The following LINGO1 variants were observed in gnomAD, a reference collection of about 807,000 sequenced individuals.
LINGO1 encodes the protein leucine rich repeat and Ig domain containing 1.
LINGO1 carries 11 observed loss-of-function variants against 37.3 expected under a neutral mutation model. The ratio of observed to expected loss-of-function variants is 0.29; its 90% CI spans 0.19 to 0.49. LINGO1 has a LOEUF of 0.49. Among genes scored for constraint, LINGO1 ranks in the 20% least tolerant of loss-of-function variants. LINGO1 has a pLI of 0.99. For missense variants in LINGO1, 585 were observed against 878.2 expected, an observed-to-expected ratio of 0.67 and a Z score of 4.22; for synonymous variants, 387 against 403.0, an observed-to-expected ratio of 0.96 and a Z score of 0.48.
intron 2 of LINGO1, among the ~76,000 whole-genome samples, chr15:77,707,796 G>T (rs1163294990): frequency 1.3e-5 from 2 of 152,150 alleles, no homozygotes; most frequent in East Asian, 3.8e-4. Flanking sequence ...TGACCATCAG[G>T]GTTTGCCAGG....
rs187174782 is a variant in LINGO1, at chr15:77,702,615, G to A, written c.-194-11714C>T. ...CTAATTCTCTAGGTAAGGAAACTGA[G>A]GCTCAGACCAAAGTGGCCAGAAAGA... On this transcript the variant is annotated intron_variant, in intron 2 of 3. Coordinates refer to the LINGO1 transcript ENST00000561686. 1.4e-3 allele frequency among the ~76,000 whole-genome samples: 210 copies of A among 152,322 alleles called. 2 individuals are homozygous for A. The highest frequency in any genetic ancestry group is 5.0e-3 in the African/African-American group (206 of 41,572).
At chr15:77,641,982 C>T (rs1282254638) in intron 3 of LINGO1, 8 of 456,558 alleles carry the variant, frequency 1.8e-5, no homozygotes, top group South Asian at 3.1e-5. Flanking sequence ...CTCTCTGAGC[C>T]GCTTTCCATT....
In LINGO1 at chr15:77,815,942, T is replaced by C. The variant is rs564505486; in HGVS notation, c.-458+4316A>G. ...CTCCACTGCAAACACGTTCTACCCT[T>C]GCCCAGCGCTTCCCACCTCCATGCC... On this transcript the variant is annotated intron_variant, in intron 1 of 5. Transcript: ENST00000562933. 2.6e-5 allele frequency among the ~76,000 whole-genome samples: 4 copies of C among 152,306 alleles called. No homozygotes were observed. The South Asian group carries it at 8.3e-4, about 32-fold the overall frequency.
intron 1 of LINGO1, among the ~76,000 whole-genome samples, chr15:77,739,116 C>A (rs11636649): frequency 0.35 from 53,165 of 152,226 alleles, 10,853 homozygotes; most frequent in Admixed American, 0.51. Context: ...CAGGAGGGAG[C>A]CTTGGGGGCG....
chr15:77,730,343 C>G (rs1199275989), intron 2 of LINGO1, among the ~76,000 whole-genome samples: 2 of 152,172 alleles, frequency 1.3e-5, no homozygotes, highest in African/African-American at 4.8e-5. Context: ...AATGGGAAAA[C>G]TGAGGCCCAG....
At position 77,657,884 on chromosome 15, in the gene LINGO1, C is replaced by T. The variant is rs193209844; in HGVS notation, c.-13+19205G>A. Among the ~76,000 whole-genome samples the T allele has an allele frequency of 5.9e-5, 9 of 152,320 alleles. No individual in the cohort carries two copies. In the East Asian group the frequency reaches 1.7e-3, roughly 29 times the overall value. ...AAAACATTCTTCACACTCCCGCCTCCTTTACTGTTCTGATGCACCAAGACG... is the reference window on the plus strand; with the variant it reads ...AAAACATTCTTCACACTCCCGCCTCTTTTACTGTTCTGATGCACCAAGACG... On this transcript the variant is annotated intron_variant, in intron 3 of 3. Coordinates refer to the LINGO1 transcript ENST00000559893.
chr15:77,655,615 C>T (rs1298502241), intron 3 of LINGO1, among the ~76,000 whole-genome samples: 1 of 152,188 alleles, frequency 6.6e-6, no homozygotes, highest in African/African-American at 2.4e-5. Flanking sequence ...CCACTGGCTG[C>T]ACACCACTGG....
chr15:77,716,909 C>T (rs2075991410), intron 2 of LINGO1, among the ~76,000 whole-genome samples: 1 of 150,596 alleles, frequency 6.6e-6, no homozygotes, highest in South Asian at 2.2e-4. Flanking sequence ...TTCCCAGGGT[C>T]ACCTCCAGAA....
At chr15:77,759,323 GA>G (rs1442257800) in intron 1 of LINGO1, among the ~76,000 whole-genome samples, 2 of 152,176 alleles carry the variant, frequency 1.3e-5, no homozygotes, top group Admixed American at 6.5e-5. Flanking sequence ...GTGTGGACTG[GA>G]AAGCTCTGCC....
chr15:77,641,336 T>C (rs2074500854), intron 3 of LINGO1, among the ~76,000 whole-genome samples: 1 of 152,200 alleles, frequency 6.6e-6, no homozygotes, highest in Admixed American at 6.5e-5. Context: ...CAGGGGAGTT[T>C]GAACCATAAC....
chr15:77,667,538 T>TTCTCTTGCTCAGCCCCGCTGAG (rs1409595316), intron 3 of LINGO1: 16 of 152,518 alleles, frequency 1.0e-4, no homozygotes, highest in Admixed American at 9.8e-4. Flanking sequence ...GTGGACTTTC[T>TTCTCTTGCTCAGCCCCGCTGAG]TCTCTTGCTC....
chr15:77,676,845 C>T (rs1403091098), intron 3 of LINGO1, among the ~76,000 whole-genome samples: 2 of 152,200 alleles, frequency 1.3e-5, no homozygotes, highest in East Asian at 1.9e-4. Context: ...ATCCCGGGGA[C>T]AAAGCCTGGT....
intron 2 of LINGO1, among the ~76,000 whole-genome samples, chr15:77,705,652 C>T (rs142315527): frequency 5.3e-5 from 8 of 152,330 alleles, no homozygotes; most frequent in African/African-American, 1.9e-4. Context: ...CTGCCACGCT[C>T]GGAAAGCCCT....
At chr15:77,778,864 C>G (rs1384854387) in intron 1 of LINGO1, among the ~76,000 whole-genome samples, 1 of 152,192 alleles carries the variant, frequency 6.6e-6, no homozygotes, top group Non-Finnish European at 1.5e-5. Flanking sequence ...CCTGCGGTGA[C>G]TCCAGTCTCA....
chr15:77,774,600 CTCAGCCCACCCACCACACAGAACCCA>C (rs1401357143), intron 1 of LINGO1, among the ~76,000 whole-genome samples: 4 of 152,130 alleles, frequency 2.6e-5, no homozygotes, highest in African/African-American at 7.2e-5. Context: ...AGCCCAGTGG[CTCAGCCCACCCACCACACAGAACCCA>C]TCAGCCCACC....
chr15:77,768,118 G>A (rs2076547474), intron 1 of LINGO1, among the ~76,000 whole-genome samples: 1 of 152,134 alleles, frequency 6.6e-6, no homozygotes, highest in South Asian at 2.1e-4. Flanking sequence ...CTAAACACCT[G>A]CTTTCCTGCC....
At chr15:77,734,965 AAC>A (rs2076189453) in intron 2 of LINGO1, 1 of 152,296 alleles carries the variant, frequency 6.6e-6, no homozygotes, top group Non-Finnish European at 1.5e-5. Context: ...TGCATCCACC[AAC>A]ACAGACAGCA....
intron 2 of LINGO1, among the ~76,000 whole-genome samples, chr15:77,723,116 A>G (rs1255927278): frequency 2.0e-5 from 3 of 152,100 alleles, no homozygotes; most frequent in Non-Finnish European, 4.4e-5. Flanking sequence ...TGGGGATGGT[A>G]ACAACATCCC....
intron 2 of LINGO1, among the ~76,000 whole-genome samples, chr15:77,794,590 ATTT>A (rs370121489): frequency 0.056 from 5,254 of 93,422 alleles, 360 homozygotes; most frequent in African/African-American, 0.14. Flanking sequence ...ATATATATAT[ATTT>A]TTTTTTTTTT....
Sources: allele counts gnomAD v4.1 joint callset (sites outside exome capture counted in the v4.1 genomes callset), GRCh38; gene constraint gnomAD v4.1.1; transcripts MANE v1.5; gene names NCBI Gene and HGNC (gene_info 2026-07-23, HGNC 2026-07-21).